PTPRD: variants seen among roughly 807,000 people sequenced by gnomAD.
PTPRD encodes receptor-type tyrosine-protein phosphatase delta.
A neutral mutation model predicts 214.5 loss-of-function variants in PTPRD; 34 were observed. That is an observed-to-expected ratio of 0.16 (90% CI 0.12 to 0.21). The LOEUF (loss-of-function observed/expected upper bound fraction) is 0.21. Ranked by LOEUF, PTPRD falls within the 10% of genes least tolerant of loss-of-function variation. The pLI is 1.00. For synonymous variants in PTPRD, 1,128 were observed against 845.7 expected, an observed-to-expected ratio of 1.33 and a Z score of -5.79; for missense variants, 2,545 against 2,398.7, an observed-to-expected ratio of 1.06 and a Z score of -1.27.
intron 10 of PTPRD, among the ~76,000 whole-genome samples, chr9:9,105,296 C>T (rs956209539): frequency 3.3e-5 from 5 of 151,794 alleles, no homozygotes; most frequent in African/African-American, 1.2e-4. Context: ...GCCTTTCATA[C>T]CTCTTCCATA....
chr9:9,330,689 TA>T (rs1014975254), intron 9 of PTPRD, among the ~76,000 whole-genome samples: 3 of 152,070 alleles, frequency 2.0e-5, no homozygotes, highest in African/African-American at 4.8e-5. Flanking sequence ...GGATAATCAA[TA>T]CCCTTAAATG....
chr9:8,921,393 G>T (rs1353938824), intron 11 of PTPRD, among the ~76,000 whole-genome samples: 1 of 152,096 alleles, frequency 6.6e-6, no homozygotes, highest in Non-Finnish European at 1.5e-5. Context: ...AGACTCACTT[G>T]GGAGGCTAAA....
chr9:9,333,504 T>TTTTATATA (rs544075539), intron 9 of PTPRD, among the ~76,000 whole-genome samples: 34 of 137,230 alleles, frequency 2.5e-4, no homozygotes, highest in African/African-American at 8.5e-4. Flanking sequence ...ATATAGTATA[T>TTTTATATA]TATATATATA....
intron 42 of PTPRD, 23 bp from the exon 43 acceptor site, chr9:8,339,070 T>C (rs2132242229): frequency 6.2e-7 from 1 of 1,605,512 alleles, no homozygotes; most frequent in Non-Finnish European, 8.5e-7. Context: ...AAGATTAATG[T>C]TAAACTATGC....
intron 14 of PTPRD, among the ~76,000 whole-genome samples, chr9:8,623,482 G>A (rs1015815675): frequency 6.6e-6 from 1 of 151,866 alleles, no homozygotes; most frequent in African/African-American, 2.4e-5. Context: ...GCCTTAGCAA[G>A]ATAATTCTGC....
At chr9:10,019,011 T>A (rs985362018) in intron 4 of PTPRD, among the ~76,000 whole-genome samples, 5 of 151,666 alleles carry the variant, frequency 3.3e-5, no homozygotes, top group African/African-American at 9.7e-5. Context: ...TGGGAGAAAA[T>A]TTTTGCAATC....
chr9:8,603,543 C>G (rs772637126), intron 14 of PTPRD, among the ~76,000 whole-genome samples: 2 of 152,134 alleles, frequency 1.3e-5, no homozygotes, highest in Non-Finnish European at 2.9e-5. Flanking sequence ...AGAACCTTAG[C>G]ACCCCAAGCA....
intron 9 of PTPRD, among the ~76,000 whole-genome samples, chr9:9,323,843 C>G (rs553077049): frequency 4.6e-5 from 7 of 152,126 alleles, no homozygotes; most frequent in Non-Finnish European, 1.0e-4. Flanking sequence ...CCTACCCCAT[C>G]CCCGCACCCC....
rs1404587933 is a variant in PTPRD at position 9,694,271 on chromosome 9, T to G, written c.-287+40262A>C. Among the ~76,000 whole-genome samples, 4 of 152,014 alleles carry G rather than the reference T, an allele frequency of 2.6e-5. No homozygotes were observed. The East Asian group carries it at 7.8e-4, about 29-fold the overall frequency. Reference sequence around the variant, plus strand: ...GGTTTTCCAGGTATGCAAAGGGTCTTGAACCCCAAGCATAATCCTGTGGTT... The same window carrying G: ...GGTTTTCCAGGTATGCAAAGGGTCTGGAACCCCAAGCATAATCCTGTGGTT... On this transcript the variant is annotated intron_variant, in intron 7 of 45. Coordinates refer to ENST00000381196, the MANE Select transcript of PTPRD (RefSeq NM_002839.4).
At chr9:10,571,752 C>A (rs2067510567) in intron 2 of PTPRD, among the ~76,000 whole-genome samples, 1 of 152,156 alleles carries the variant, frequency 6.6e-6, no homozygotes, top group South Asian at 2.1e-4. Flanking sequence ...GAAATTGTTC[C>A]ACCTCAGATC....
chr9:8,487,605 G>T (rs2097054340), intron 27 of PTPRD, among the ~76,000 whole-genome samples: 1 of 152,080 alleles, frequency 6.6e-6, no homozygotes, highest in Non-Finnish European at 1.5e-5. Flanking sequence ...GAGGTTGGGA[G>T]TTTGAGACCA....
chr9:9,415,606 T>A (rs535718338), intron 8 of PTPRD, among the ~76,000 whole-genome samples: 1 of 152,290 alleles, frequency 6.6e-6, no homozygotes, highest in East Asian at 1.9e-4. Context: ...TGAATATAAA[T>A]TCAACAGACA....
chr9:8,792,103 C>T lies in PTPRD; in HGVS notation c.-103-58157G>A, dbSNP rs1005524930. On this transcript the variant is annotated intron_variant, in intron 11 of 45. Coordinates refer to ENST00000381196, the MANE Select transcript of PTPRD (RefSeq NM_002839.4). ...TCGTTTTTAGACAACGTCAAAATGA[C>T]CTCGTCAAATAACTATCAATATAGC... 2.0e-5 allele frequency among the ~76,000 whole-genome samples: 3 copies of T among 152,142 alleles called. No individual in the cohort carries two copies. In the East Asian group the frequency reaches 5.8e-4, roughly 29 times the overall value.
chr9:9,670,935 G>A (rs1020762241), intron 7 of PTPRD, among the ~76,000 whole-genome samples: 1 of 152,178 alleles, frequency 6.6e-6, no homozygotes, highest in Non-Finnish European at 1.5e-5. Flanking sequence ...TCCCCACAGA[G>A]TCTCTACTCG....
chr9:8,355,755 C>T (rs532312926), intron 39 of PTPRD, among the ~76,000 whole-genome samples: 9 of 152,126 alleles, frequency 5.9e-5, no homozygotes, highest in Admixed American at 5.9e-4. Flanking sequence ...ACTGTGAGAG[C>T]ACGGAGACCT....
intron 5 of PTPRD, among the ~76,000 whole-genome samples, chr9:9,893,300 G>A (rs1190245931): frequency 6.6e-6 from 1 of 151,862 alleles, no homozygotes; most frequent in Non-Finnish European, 1.5e-5. Flanking sequence ...TGTAAATTGG[G>A]CTAAATGCTC....
chr9:10,497,823 T>C (rs1409178106), intron 2 of PTPRD, among the ~76,000 whole-genome samples: 1 of 152,038 alleles, frequency 6.6e-6, no homozygotes, highest in African/African-American at 2.4e-5. Context: ...TAACGTTTAT[T>C]GTTTTATAAA....
At chr9:8,943,587 AT>A (rs140306370) in intron 11 of PTPRD, among the ~76,000 whole-genome samples, 23,468 of 150,524 alleles carry the variant, frequency 0.16, 2,216 homozygotes, top group Non-Finnish European at 0.21. Context: ...TTATTTATTG[AT>A]TTTTTAACCA....
Position 9,724,326 on chromosome 9 carries a change from A to G in PTPRD, c.-287+10207T>C, listed in dbSNP as rs1160764451. On this transcript the variant is annotated intron_variant, in intron 7 of 45. Transcript: ENST00000381196. The stretch of plus-strand genomic sequence containing the variant: ...ATTCAAGGAAACATCACAGTTACAG[A>G]TTAAATGCTTTTGAGGGTGTTTATC... Among the ~76,000 whole-genome samples the G allele has an allele frequency of 2.6e-5, 4 of 152,190 alleles. No homozygotes were observed. In the East Asian group the frequency reaches 7.7e-4, roughly 29 times the overall value.
Sources: gnomAD v4.1 joint callset for allele counts (sites outside exome capture counted in the v4.1 genomes callset) on GRCh38, gnomAD v4.1.1 for gene constraint, MANE v1.5 for transcripts, NCBI Gene and HGNC (gene_info 2026-07-23, HGNC 2026-07-21) for gene names.